Variants in RNF11 observed in about 807,000 individuals in gnomAD.
RNF11 encodes the protein ring finger protein 11.
RNF11 carries 4 observed loss-of-function variants against 15.8 expected under a neutral mutation model. The observed-to-expected ratio is 0.25, with a 90% confidence interval of 0.12 to 0.58. The LOEUF (loss-of-function observed/expected upper bound fraction) is 0.58. Among genes scored for constraint, RNF11 ranks in the 20% least tolerant of loss-of-function variants. RNF11 has a pLI of 0.91. For synonymous variants in RNF11, 68 were observed against 72.3 expected (o/e 0.94, Z 0.30); for missense variants, 139 against 194.4 (o/e 0.71, Z 1.70).
chr1:51,245,713 G>A lies in RNF11; in HGVS notation c.123+8834G>A, dbSNP rs565919373. 7.9e-5 allele frequency among the ~76,000 whole-genome samples: 12 copies of A among 152,254 alleles called. No individual in the cohort carries two copies. The South Asian group carries it at 2.3e-3, about 29-fold the overall frequency. On this transcript the variant is annotated intron_variant, in intron 1 of 2. Coordinates refer to ENST00000242719, the MANE Select transcript of RNF11 (RefSeq NM_014372.5). Reference sequence around the variant, plus strand: ...GATCCACCCACCTAGGCCTACCAAAGTGCTGAGATTACAGGCGTGAGCTAC... The same window carrying A: ...GATCCACCCACCTAGGCCTACCAAAATGCTGAGATTACAGGCGTGAGCTAC...
At chr1:51,262,859 A>G (rs1646937161) in intron 1 of RNF11, among the ~76,000 whole-genome samples, 1 of 151,606 alleles carries the variant, frequency 6.6e-6, no homozygotes, top group Non-Finnish European at 1.5e-5. Flanking sequence ...TTGGTCTGCT[A>G]AGGGACTTGT....
At chr1:51,258,187 G>C (rs1334634519) in intron 1 of RNF11, among the ~76,000 whole-genome samples, 1 of 152,092 alleles carries the variant, frequency 6.6e-6, no homozygotes, top group African/African-American at 2.4e-5. Flanking sequence ...GTGATAATCG[G>C]AATGGCACGC....
intron 1 of RNF11, among the ~76,000 whole-genome samples, chr1:51,257,349 G>C (rs1646908317): frequency 6.6e-6 from 1 of 152,232 alleles, no homozygotes; most frequent in Non-Finnish European, 1.5e-5. Context: ...ACTCACGTGA[G>C]GACCTGGTAG....
chr1:51,255,892 T>G (rs1465005762), intron 1 of RNF11, among the ~76,000 whole-genome samples: 1 of 152,180 alleles, frequency 6.6e-6, no homozygotes, highest in Non-Finnish European at 1.5e-5. Context: ...TCAGAAAGTG[T>G]GAGTCTTTTT....
At chr1:51,269,857 C>T (rs1569688486) in intron 1 of RNF11, 99 bp from the exon 2 acceptor site, 1 of 963,654 alleles carries the variant, frequency 1.0e-6, no homozygotes. Flanking sequence ...GCTTCCTACC[C>T]CTCCCAGGGC....
At chr1:51,262,715 CT>C (rs35542254) in intron 1 of RNF11, among the ~76,000 whole-genome samples, 2,647 of 84,048 alleles carry the variant, frequency 0.031, 9 homozygotes, top group African/African-American at 0.062. Context: ...GCCTGCTAAT[CT>C]TTTTTTTTTT....
intron 1 of RNF11, among the ~76,000 whole-genome samples, chr1:51,241,184 C>G (rs1569650944): frequency 6.6e-6 from 1 of 151,692 alleles, no homozygotes; most frequent in South Asian, 2.1e-4. Context: ...AACTCCTGGG[C>G]TCAAGGGATA....
intron 2 of RNF11, 42 bp from the exon 3 acceptor site, chr1:51,271,109 T>A: frequency 1.3e-6 from 2 of 1,565,804 alleles, no homozygotes; most frequent in Non-Finnish European, 1.8e-6. Flanking sequence ...AATAGGACAC[T>A]TCTGAAAATG....
chr1:51,252,531 C>A (rs1646884514), intron 1 of RNF11, among the ~76,000 whole-genome samples: 2 of 152,030 alleles, frequency 1.3e-5, no homozygotes, highest in South Asian at 2.1e-4. Context: ...AGGAAAATTG[C>A]TTGAGCCTGG....
intron 1 of RNF11, among the ~76,000 whole-genome samples, chr1:51,253,462 A>G (rs1180895136): frequency 1.3e-5 from 2 of 151,540 alleles, no homozygotes. Context: ...GCTCGAGGTA[A>G]CAGTGAGATA....
chr1:51,237,083 G>T (rs1646807206), intron 1 of RNF11, among the ~76,000 whole-genome samples: 2 of 152,096 alleles, frequency 1.3e-5, no homozygotes. Flanking sequence ...GTGTGGGGAT[G>T]ATACCCTCTG....
intron 1 of RNF11, among the ~76,000 whole-genome samples, chr1:51,257,944 C>T (rs1304074948): frequency 1.3e-5 from 2 of 148,708 alleles, no homozygotes; most frequent in South Asian, 4.2e-4. Flanking sequence ...ACCTCCGCCT[C>T]CCAGGGTCAA....
chr1:51,264,112 C>T (rs750818292), intron 1 of RNF11, among the ~76,000 whole-genome samples: 77 of 150,944 alleles, frequency 5.1e-4, no homozygotes, highest in African/African-American at 7.0e-4. Flanking sequence ...TTTTAATTAG[C>T]GGGGCATAGT....
intron 1 of RNF11, among the ~76,000 whole-genome samples, chr1:51,238,354 C>T (rs1287392596): frequency 6.6e-6 from 1 of 152,108 alleles, no homozygotes; most frequent in Non-Finnish European, 1.5e-5. Flanking sequence ...TAATCGCCTC[C>T]TTCAGTGCAA....
intron 1 of RNF11, among the ~76,000 whole-genome samples, chr1:51,239,735 G>A (rs536063457): frequency 6.6e-6 from 1 of 152,098 alleles, no homozygotes; most frequent in African/African-American, 2.4e-5. Flanking sequence ...ATTCTCAGTT[G>A]ATAAAAGTAA....
intron 1 of RNF11, among the ~76,000 whole-genome samples, chr1:51,238,790 C>T (rs1017834259): frequency 6.6e-6 from 1 of 152,034 alleles, no homozygotes; most frequent in Non-Finnish European, 1.5e-5. Context: ...TGCAGTGGCA[C>T]AATCTCACTG....
chr1:51,247,636 C>A (rs1308479266), intron 1 of RNF11, among the ~76,000 whole-genome samples: 2 of 152,028 alleles, frequency 1.3e-5, no homozygotes, highest in African/African-American at 2.4e-5. Context: ...TGTATTTTAT[C>A]CTCTTGGAGA....
chr1:51,236,728 C>G lies in RNF11; in HGVS notation c.-29C>G. The G allele has an allele frequency of 6.2e-7, 1 of 1,608,536 alleles. No homozygotes were observed. Among genetic ancestry groups the G allele is most frequent in the Non-Finnish European group, 8.5e-7 (1 of 1,177,852 alleles). Reference sequence around the variant, plus strand: ...ACGACCCCACCGCTGCTTTCTCCTCCCCCAGATCACGCACCCCAGCTCCGG... The same window carrying G: ...ACGACCCCACCGCTGCTTTCTCCTCGCCCAGATCACGCACCCCAGCTCCGG... On this transcript the variant is annotated 5_prime_UTR_variant, in exon 1 of 3. Coordinates refer to ENST00000242719, the MANE Select transcript of RNF11 (RefSeq NM_014372.5).
chr1:51,244,729 A>G (rs904822331), intron 1 of RNF11, among the ~76,000 whole-genome samples: 57 of 152,172 alleles, frequency 3.7e-4, no homozygotes, highest in African/African-American at 1.3e-3. Context: ...TTTTATAAAT[A>G]AGTAACCAGT....
Sources: allele counts gnomAD v4.1 joint callset (sites outside exome capture counted in the v4.1 genomes callset), GRCh38; gene constraint gnomAD v4.1.1; transcripts MANE v1.5; gene names NCBI Gene and HGNC (gene_info 2026-07-23, HGNC 2026-07-21).